Variants in HNRNPUL2 observed in about 807,000 individuals in gnomAD.
HNRNPUL2 encodes heterogeneous nuclear ribonucleoprotein U like 2, also known as heterogeneous nuclear ribonucleoprotein U-like protein 2.
In HNRNPUL2, 27 loss-of-function variants were observed where a neutral mutation model predicts 102.2. The ratio of observed to expected loss-of-function variants is 0.26; its 90% CI spans 0.19 to 0.36. HNRNPUL2 has a LOEUF of 0.36. HNRNPUL2 is among the 10% of genes least tolerant of loss of function. The pLI is 1.00. For missense variants in HNRNPUL2, 936 were observed against 981.1 expected (o/e 0.95, Z 0.61); for synonymous variants, 458 against 387.2 (o/e 1.18, Z -2.15).
At position 62,721,953 on chromosome 11, in the gene HNRNPUL2, C is replaced by A. The variant is rs2083706028; in HGVS notation, c.1360-11G>T. 5 of 1,612,818 alleles carry A rather than the reference C, an allele frequency of 3.1e-6. No individual in the cohort carries two copies. In the Admixed American group the frequency reaches 5.0e-5, roughly 16 times the overall value. On this transcript the variant is annotated splice_polypyrimidine_tract_variant and intron_variant, in intron 7 of 13. Transcript: ENST00000301785. ...CACCATCAGAATCACCTGCAAAAAACAGAACCAGAAATATAATGAAAAATA... is the reference window on the plus strand; with the variant it reads ...CACCATCAGAATCACCTGCAAAAAAAAGAACCAGAAATATAATGAAAAATA...
chr11:62,715,803 C>A, intron 12 of HNRNPUL2, 61 bp downstream of exon 12: 1 of 1,503,034 alleles, frequency 6.7e-7, no homozygotes, highest in South Asian at 1.1e-5. Flanking sequence ...CTCTGCTCCC[C>A]CAAGCCAACA....
At chr11:62,725,585 C>G (rs548208461) in intron 1 of HNRNPUL2, among the ~76,000 whole-genome samples, 1 of 152,178 alleles carries the variant, frequency 6.6e-6, no homozygotes, top group Non-Finnish European at 1.5e-5. Context: ...GGACACAGGA[C>G]AAACAATCTG....
At chr11:62,724,067 T>C (rs767860237) in intron 2 of HNRNPUL2, 77 bp from the exon 3 acceptor site, 45 of 1,297,832 alleles carry the variant, frequency 3.5e-5, no homozygotes, top group Admixed American at 7.4e-5. Context: ...TATGACATTA[T>C]GTCCATTTTA....
rs1464840543 is a variant in HNRNPUL2 at position 62,712,732 on chromosome 11, T to C, written c.*2567A>G. ...GAACAGGGGAGGAAAAAGTTACAGATGTAAACAATGACACAGTTACATTTT... is the reference window on the plus strand; with the variant it reads ...GAACAGGGGAGGAAAAAGTTACAGACGTAAACAATGACACAGTTACATTTT... On this transcript the variant is annotated 3_prime_UTR_variant, in exon 14 of 14. Transcript: ENST00000301785. The C allele has an allele frequency of 1.3e-5, 2 of 152,218 alleles. No homozygotes were observed. Among genetic ancestry groups the C allele is most frequent in the African/African-American group, 4.8e-5 (2 of 41,456 alleles). The allele number at this position is 152,218 out of a possible 1,614,324, so 9.4% of individuals were successfully genotyped here.
At chr11:62,715,752 A>G in intron 12 of HNRNPUL2, 112 bp downstream of exon 12, 1 of 1,170,322 alleles carries the variant, frequency 8.5e-7, no homozygotes, top group Non-Finnish European at 1.3e-6. Flanking sequence ...AGAACATATT[A>G]AATGGGCAAA....
At position 62,721,906 on chromosome 11, in the gene HNRNPUL2, T is replaced by A. The variant is rs761934167; in HGVS notation, c.1396A>T (p.Thr466Ser). 1 of 1,614,046 alleles carries A rather than the reference T, an allele frequency of 6.2e-7. No homozygotes were observed. Among genetic ancestry groups the A allele is most frequent in the African/African-American group, 1.3e-5 (1 of 74,916 alleles). ...LMVGLPGSGK[T>S]QWALKYAKEN... The stretch of plus-strand genomic sequence containing the variant: ...TTTGCATATTTCAGTGCCCACTGGG[T>A]CTTTCCAGATCCGGGTAGTCCCACC... The change falls in exon 8 of 14, where the codon ACC becomes TCC. Residue 466 changes from threonine to serine, a missense_variant. This residue lies in a region of HNRNPUL2 where 609 missense variants were observed against 713.0 expected (regional missense o/e 0.85). Coordinates refer to ENST00000301785, the MANE Select transcript of HNRNPUL2 (RefSeq NM_001079559.3).
chr11:62,726,484 G>A (rs2083748049), intron 1 of HNRNPUL2, 135 bp downstream of exon 1: 2 of 891,460 alleles, frequency 2.2e-6, no homozygotes, highest in Non-Finnish European at 3.2e-6. Context: ...GGTGGGTAGA[G>A]AATGAAAGGA....
Position 62,724,330 on chromosome 11 carries a change from C to T in HNRNPUL2, c.635G>A (p.Arg212Gln). Residue 212 changes from arginine (R) to glutamine (Q), a missense_variant, in exon 2 of 14, where the codon CGA (arginine) becomes CAA (glutamine). By Grantham distance (43) the Arg-to-Gln change is conservative (BLOSUM62 1). This residue lies in a region of HNRNPUL2 where 609 missense variants were observed against 713.0 expected (regional missense o/e 0.85). Coordinates refer to ENST00000301785, the MANE Select transcript of HNRNPUL2 (RefSeq NM_001079559.3). Reference sequence around the variant, plus strand: ...CTCCTCTCGGAATTCATAGTAAGCTCGGCCATGTTCATCCTTCTCATCCCG... The same window carrying T: ...CTCCTCTCGGAATTCATAGTAAGCTTGGCCATGTTCATCCTTCTCATCCCG... ...RQRDEKDEHG[R>Q]AYYEFREEAY... The T allele has an allele frequency of 1.2e-6, 2 of 1,614,174 alleles. No homozygotes were observed. Among genetic ancestry groups the T allele is most frequent in the East Asian group, 2.2e-5 (1 of 44,886 alleles).
At position 62,722,365 on chromosome 11, in the gene HNRNPUL2, C is replaced by T. The variant is rs375123342; in HGVS notation, c.1111G>A (p.Glu371Lys). 9.9e-6 allele frequency: 16 copies of T among 1,613,692 alleles called. No individual in the cohort carries two copies. In the African/African-American group the frequency reaches 1.3e-4, roughly 13 times the overall value. Residue 371 changes from glutamate (E) to lysine (K), a missense_variant, in exon 7 of 14, where the codon GAA (glutamate) becomes AAA (lysine). Physicochemically the swap from Glu to Lys is moderately conservative, Grantham distance 56 (BLOSUM62 1). Transcript: ENST00000301785. Reference protein sequence around the residue: ...IGCFANFETEEVELSFSKNGE... With the variant: ...IGCFANFETEKVELSFSKNGE... ...TTCTTGGAGAAGGAAAGTTCTACTT[C>T]TTCAGTCTCAAAATTCTACAATGAC...
At chr11:62,725,394 T>G (rs1306258723) in intron 1 of HNRNPUL2, among the ~76,000 whole-genome samples, 1 of 152,196 alleles carries the variant, frequency 6.6e-6, no homozygotes, top group Non-Finnish European at 1.5e-5. Context: ...AGACAGGGGT[T>G]TCACCATGTT....
chr11:62,717,908 T>C (rs2083672369), intron 10 of HNRNPUL2, among the ~76,000 whole-genome samples: 1 of 152,222 alleles, frequency 6.6e-6, no homozygotes. Flanking sequence ...GGCCAGCACA[T>C]CTGCCAGTCT....
chr11:62,713,701 C>T lies in HNRNPUL2; in HGVS notation c.*1598G>A, dbSNP rs2083636363. 6.6e-6 allele frequency: 1 copy of T among 152,238 alleles called. No homozygotes were observed. The highest frequency in any genetic ancestry group is 2.1e-4 in the South Asian group (1 of 4,830). The allele number at this position is 152,238 out of a possible 1,614,324, so 9.4% of individuals were successfully genotyped here. On this transcript the variant is annotated 3_prime_UTR_variant, in exon 14 of 14. Transcript: ENST00000301785. The stretch of plus-strand genomic sequence containing the variant: ...AGGAGAGGAAGACCAAATCAGCCCA[C>T]AATTTTAAACAGAGAACTGCCCAGG...
rs979528704 is a variant in HNRNPUL2, at chr11:62,727,094, G to A, written c.63C>T (p.Asp21=). 1.4e-6 allele frequency: 2 copies of A among 1,448,070 alleles called. No homozygotes were observed. The highest frequency in any genetic ancestry group is 9.1e-7 in the Non-Finnish European group (1 of 1,102,836). The allele number at this position is 1,448,070 out of a possible 1,614,324, so 89.7% of individuals were successfully genotyped here. A position where few individuals can be genotyped will look rare whatever the true frequency, so the allele number is the denominator to read the frequency against. ...CCAGATCCACCTTGAGGCCGCGCGA[G>A]TCCAGGCCCCGCCGCTGCAGCTCCG... The part of the protein sequence containing the change: ...LRSELQRRGL[D]SRGLKVDLAQ... The change falls in exon 1 of 14, where the codon GAC becomes GAT. Residue 21 remains aspartate, a synonymous_variant. Transcript: ENST00000301785.
intron 4 of HNRNPUL2, 127 bp from the exon 5 acceptor site, chr11:62,723,030 A>G: frequency 2.9e-6 from 2 of 685,048 alleles, no homozygotes; most frequent in Non-Finnish European, 5.0e-6. Flanking sequence ...CAGAATAACA[A>G]TCACTGAACT....
intron 10 of HNRNPUL2, among the ~76,000 whole-genome samples, chr11:62,718,694 TAAA>T (rs11456076): frequency 8.4e-6 from 1 of 119,608 alleles, no homozygotes; most frequent in African/African-American, 3.2e-5. Context: ...ACTCTGTCTT[TAAA>T]AAAAAAAAAA....
Position 62,715,399 on chromosome 11 carries a change from C to T in HNRNPUL2, c.2164-20G>A. The T allele has an allele frequency of 6.2e-7, 1 of 1,609,720 alleles. No homozygotes were observed. Among genetic ancestry groups the T allele is most frequent in the Non-Finnish European group, 8.5e-7 (1 of 1,176,424 alleles). ...CTGCCACTAGAAGAGAGGGAAACCC[C>T]ATCACTTGGAGCCAGAGCTGGCTGA... On this transcript the variant is annotated intron_variant, in intron 13 of 13. Transcript: ENST00000301785.
chr11:62,722,186 G>C lies in HNRNPUL2; in HGVS notation c.1290C>G (p.Phe430Leu), dbSNP rs2083708152. The C allele has an allele frequency of 6.2e-7, 1 of 1,614,160 alleles. No individual in the cohort carries two copies. Reference sequence around the variant, plus strand: ...GCTCCTCAACAGGCACAGCATGAATGAACACAAACTCTTCTGGTGGTGGGA... The same window carrying C: ...GCTCCTCAACAGGCACAGCATGAATCAACACAAACTCTTCTGGTGGTGGGA... The part of the protein sequence containing the change: ...PFFPPPEEFV[F>L]IHAVPVEERV... Residue 430 changes from phenylalanine (F) to leucine (L), a missense_variant, in exon 7 of 14, where the codon TTC (phenylalanine) becomes TTG (leucine). Transcript: ENST00000301785.
chr11:62,727,049 C>T lies in HNRNPUL2; in HGVS notation c.108G>A (p.Ala36=), dbSNP rs1389595586. Residue 36 remains alanine, a synonymous_variant, in exon 1 of 14, where the codon GCG becomes GCA. Transcript: ENST00000301785. Reference sequence around the variant, plus strand: ...CGTCCTCGAGCATCTCGGCGTCCAGCGCCTCCTGCAGCCGCTGCGCCAGAT... The same window carrying T: ...CGTCCTCGAGCATCTCGGCGTCCAGTGCCTCCTGCAGCCGCTGCGCCAGAT... ...KVDLAQRLQE[A]LDAEMLEDEA... is the part of the protein sequence containing the mutation. The T allele has an allele frequency of 2.1e-6, 3 of 1,418,704 alleles. No homozygotes were observed. The highest frequency in any genetic ancestry group is 1.4e-5 in the South Asian group (1 of 70,836). The allele number at this position is 1,418,704 out of a possible 1,614,324, so 87.9% of individuals were successfully genotyped here.
Position 62,727,249 on chromosome 11 carries a change from TC to T in HNRNPUL2, c.-94del. ...GCAGGCGCCGCCGCCGCCGCCCGCCTCCGCCTCACGCGCCAGCACTGAGCCC... is the reference window on the plus strand; with the variant it reads ...GCAGGCGCCGCCGCCGCCGCCCGCCTCGCCTCACGCGCCAGCACTGAGCCC... On this transcript the variant is annotated 5_prime_UTR_variant, in exon 1 of 14. Transcript: ENST00000301785. The T allele has an allele frequency of 8.1e-7, 1 of 1,227,394 alleles. No homozygotes were observed. Among genetic ancestry groups the T allele is most frequent in the Non-Finnish European group, 1.0e-6 (1 of 961,552 alleles). The allele number at this position is 1,227,394 out of a possible 1,614,324, so 76.0% of individuals were successfully genotyped here.
Sources: allele counts gnomAD v4.1 joint callset (sites outside exome capture counted in the v4.1 genomes callset), GRCh38; gene constraint gnomAD v4.1.1; regional missense constraint gnomAD v4.1.1; transcripts MANE v1.5; gene names NCBI Gene and HGNC (gene_info 2026-07-23, HGNC 2026-07-21).